LINGO2: variants seen among roughly 807,000 people sequenced by gnomAD.
The protein encoded by LINGO2 is leucine rich repeat and Ig domain containing 2.
In LINGO2, 14 loss-of-function variants were observed where a neutral mutation model predicts 30.6. The ratio of observed to expected loss-of-function variants is 0.46; its 90% confidence interval spans 0.30 to 0.72. The LOEUF is 0.72. Among genes scored for constraint, LINGO2 ranks in the 30% least tolerant of loss-of-function variants. LINGO2 has a pLI of 0.07. For missense variants in LINGO2, 729 were observed against 751.7 expected (o/e 0.97, Z 0.35); for synonymous variants, 317 against 288.5 (o/e 1.10, Z -1.00).
the LINGO2 span, among the ~76,000 whole-genome samples, chr9:28,880,891 C>T: frequency 3.1e-4 from 47 of 152,246 alleles, no homozygotes; most frequent in South Asian, 6.2e-4. Context: ...TAAATCTGGC[C>T]TACGTGCACA....
chr9:28,533,306 G>A lies in LINGO2; in HGVS notation c.-364-57281C>T, dbSNP rs10968648. On this transcript the variant is annotated intron_variant, in intron 1 of 5. Coordinates refer to ENST00000379992, the Ensembl canonical transcript of LINGO2. ...GGCCTTTGACCACAGACTGAAGGCT[G>A]CACCGTCCGCTTCCCACTTTTGAAG... Among the ~76,000 whole-genome samples, 6 of 152,230 alleles carry A rather than the reference G, an allele frequency of 3.9e-5. No homozygotes were observed. In the East Asian group the frequency reaches 9.7e-4, roughly 25 times the overall value.
At chr9:29,139,170 A>G in the LINGO2 span, among the ~76,000 whole-genome samples, 20 of 152,228 alleles carry the variant, frequency 1.3e-4, no homozygotes, top group African/African-American at 4.6e-4. Flanking sequence ...TCAACAACCC[A>G]TGAAGAACTG....
the LINGO2 span, among the ~76,000 whole-genome samples, chr9:29,000,037 A>C: frequency 6.6e-6 from 1 of 152,028 alleles, no homozygotes; most frequent in Non-Finnish European, 1.5e-5. Context: ...GATAGTAGAA[A>C]GTAAACAGTG....
At chr9:28,960,219 G>C in the LINGO2 span, among the ~76,000 whole-genome samples, 1 of 152,062 alleles carries the variant, frequency 6.6e-6, no homozygotes, top group Non-Finnish European at 1.5e-5. Flanking sequence ...TCTAAGAAAA[G>C]ATAGCAAATA....
the LINGO2 span, among the ~76,000 whole-genome samples, chr9:28,679,801 T>G: frequency 9.4e-3 from 1,432 of 152,196 alleles, 30 homozygotes; most frequent in East Asian, 0.083. Context: ...ACATTTTTAT[T>G]TATGTATTCA....
chr9:28,317,316 G>A (rs1162865925), intron 3 of LINGO2, among the ~76,000 whole-genome samples: 1 of 152,094 alleles, frequency 6.6e-6, no homozygotes, highest in Non-Finnish European at 1.5e-5. Context: ...ATCTCAGTTG[G>A]AGAGCTAGAA....
At chr9:28,884,338 C>T in the LINGO2 span, among the ~76,000 whole-genome samples, 1,391 of 152,162 alleles carry the variant, frequency 9.1e-3, 28 homozygotes, top group African/African-American at 0.032. Context: ...CCAGTCACAT[C>T]ACAGATGTTG....
At chr9:28,858,682 T>A in the LINGO2 span, among the ~76,000 whole-genome samples, 4 of 151,996 alleles carry the variant, frequency 2.6e-5, no homozygotes, top group Non-Finnish European at 5.9e-5. Flanking sequence ...TCTGCCTACC[T>A]AGGAGACCTC....
At chr9:28,979,014 A>T in the LINGO2 span, among the ~76,000 whole-genome samples, 1 of 152,048 alleles carries the variant, frequency 6.6e-6, no homozygotes, top group African/African-American at 2.4e-5. Flanking sequence ...GCACTAAAAA[A>T]CAGAAACTTC....
chr9:28,246,718 A>T lies in LINGO2; in HGVS notation c.-87+48490T>A, dbSNP rs148113652. Among the ~76,000 whole-genome samples the T allele has an allele frequency of 6.6e-4, 101 of 152,322 alleles. No homozygotes were observed. The Middle Eastern group carries it at 0.01, about 15-fold the overall frequency. ...GAAAAGCTTGTATGATGACATCTCC[A>T]GAAGCAACTGTAACAAAAGCTAAAA... On this transcript the variant is annotated intron_variant, in intron 4 of 5. Transcript: ENST00000379992.
intron 4 of LINGO2, among the ~76,000 whole-genome samples, chr9:28,270,481 C>T (rs754184504): frequency 9.2e-5 from 14 of 151,848 alleles, no homozygotes; most frequent in Non-Finnish European, 1.9e-4. Flanking sequence ...TGCATATCCC[C>T]AATGCGACCA....
At chr9:28,925,300 T>A in the LINGO2 span, among the ~76,000 whole-genome samples, 1 of 152,294 alleles carries the variant, frequency 6.6e-6, no homozygotes, top group Admixed American at 6.5e-5. Flanking sequence ...TACCTGGGGA[T>A]CTTGAACCAG....
At chr9:29,166,814 T>C in the LINGO2 span, among the ~76,000 whole-genome samples, 42 of 152,244 alleles carry the variant, frequency 2.8e-4, no homozygotes, top group African/African-American at 9.6e-4. Context: ...TAAAATCATT[T>C]ATAAACTTGT....
the LINGO2 span, among the ~76,000 whole-genome samples, chr9:29,074,232 G>T: frequency 3.3e-5 from 5 of 152,032 alleles, no homozygotes; most frequent in African/African-American, 1.2e-4. Context: ...GTATCAATAT[G>T]TAAATTAAAT....
At chr9:28,377,312 A>C (rs1487213783) in intron 2 of LINGO2, among the ~76,000 whole-genome samples, 1 of 152,130 alleles carries the variant, frequency 6.6e-6, no homozygotes, top group Non-Finnish European at 1.5e-5. Flanking sequence ...GACCTTTATG[A>C]TGGTCCAGTT....
chr9:28,170,701 G>A lies in LINGO2; in HGVS notation c.-87+124507C>T, dbSNP rs1311383864. Among the ~76,000 whole-genome samples, 4 of 152,294 alleles carry A rather than the reference G, an allele frequency of 2.6e-5. No homozygotes were observed. In the East Asian group the frequency reaches 7.7e-4, roughly 29 times the overall value. ...GCCATAGGGGAGAATCCATTTCCTT[G>A]CTTTTTCCAGCTTCAAGAGGCTTCC... On this transcript the variant is annotated intron_variant, in intron 4 of 5. Coordinates refer to ENST00000379992, the Ensembl canonical transcript of LINGO2.
chr9:28,485,138 C>T (rs149695528), intron 1 of LINGO2, among the ~76,000 whole-genome samples: 143 of 152,166 alleles, frequency 9.4e-4, no homozygotes, highest in Admixed American at 1.7e-3. Context: ...TCTTATTTGT[C>T]AGAAATCATT....
chr9:28,601,417 G>T (rs949063494), intron 1 of LINGO2, among the ~76,000 whole-genome samples: 2 of 152,076 alleles, frequency 1.3e-5, no homozygotes, highest in Admixed American at 6.6e-5. Flanking sequence ...TACTTCTGCG[G>T]TCTCTTGTTG....
chr9:28,305,405 T>C (rs1480108081), intron 3 of LINGO2, among the ~76,000 whole-genome samples: 2 of 151,918 alleles, frequency 1.3e-5, no homozygotes, highest in Non-Finnish European at 2.9e-5. Flanking sequence ...GCATCCAAAT[T>C]AGAAAGAAAA....
Sources: allele counts gnomAD v4.1 joint callset (sites outside exome capture counted in the v4.1 genomes callset), GRCh38; gene constraint gnomAD v4.1.1; transcripts MANE v1.5; gene names NCBI Gene and HGNC (gene_info 2026-07-23, HGNC 2026-07-21).